Variants in CARD9 observed in about 807,000 individuals in gnomAD.
CARD9 encodes caspase recruitment domain-containing protein 9.
In CARD9, 53 loss-of-function variants were observed where a neutral mutation model predicts 66.0. That is an observed-to-expected ratio of 0.80 (90% CI 0.64 to 1.01). CARD9 has a LOEUF of 1.01. Ranked by LOEUF, CARD9 falls within the 50% of genes least tolerant of loss-of-function variation. The pLI is 0.00. For missense variants in CARD9, 769 were observed against 743.2 expected, an observed-to-expected ratio of 1.03 and a Z score of -0.40; for synonymous variants, 387 against 313.8, an observed-to-expected ratio of 1.23 and a Z score of -2.47.
chr9:136,365,620 C>T (rs1258255309), intron 10 of CARD9: 4 of 232,468 alleles, frequency 1.7e-5, no homozygotes, highest in African/African-American at 9.1e-5. Flanking sequence ...CAGTGGCTGT[C>T]TGGGTCCTCC....
chr9:136,364,844 C>T (rs1453029315), intron 11 of CARD9: 8 of 596,100 alleles, frequency 1.3e-5, no homozygotes, highest in Non-Finnish European at 2.1e-5. Flanking sequence ...CGAGGTGGTG[C>T]TTGCTCTCAG....
intron 3 of CARD9, 58 bp downstream of exon 3, chr9:136,371,266 C>A: frequency 6.3e-7 from 1 of 1,574,872 alleles, no homozygotes; most frequent in South Asian, 1.2e-5. Context: ...GGACCCAACA[C>A]CACTGCCCGC....
chr9:136,370,958 G>T lies in CARD9; in HGVS notation c.510C>A (p.Ala170=). 6.2e-7 allele frequency: 1 copy of T among 1,610,868 alleles called. No homozygotes were observed. Among genetic ancestry groups the T allele is most frequent in the Non-Finnish European group, 8.5e-7 (1 of 1,179,180 alleles). ...RVQRLKEECE[A]GSRELKRCKE... ...TGCAGCGCTTGAGCTCGCGGCTGCC[G>T]GCCTCGCACTCCTCCTTGAGCCTCT... is the stretch of plus-strand genomic sequence containing the variant. Residue 170 remains alanine (A), a synonymous_variant, in exon 4 of 13, where the codon GCC becomes GCA. Coordinates refer to ENST00000371732, the MANE Select transcript of CARD9 (RefSeq NM_052813.5).
chr9:136,370,204 C>G (rs1335755751), intron 6 of CARD9, 90 bp downstream of exon 6: 8 of 1,537,988 alleles, frequency 5.2e-6, no homozygotes, highest in African/African-American at 1.4e-5. Context: ...GGTCTCCACA[C>G]CCCACCTTCC....
At chr9:136,366,889 G>A (rs769945321) in intron 9 of CARD9, 44 bp from the exon 10 acceptor site, 19 of 1,609,152 alleles carry the variant, frequency 1.2e-5, no homozygotes, top group Non-Finnish European at 1.4e-5. Flanking sequence ...ACTTCGCCAA[G>A]GACTGGACCC....
intron 10 of CARD9, chr9:136,365,524 A>C: frequency 4.0e-6 from 2 of 498,150 alleles, no homozygotes; most frequent in Non-Finnish European, 7.3e-6. Context: ...GGGGAACTTA[A>C]ACCCTGGGCC....
chr9:136,371,742 G>T (rs544278137), intron 2 of CARD9, among the ~76,000 whole-genome samples, 153 bp downstream of exon 2: 1 of 152,354 alleles, frequency 6.6e-6, no homozygotes, highest in East Asian at 1.9e-4. Context: ...CGGGCCACGT[G>T]CCAGGGTTGA....
At chr9:136,366,375 C>T in intron 10 of CARD9, 1 of 220,926 alleles carries the variant, frequency 4.5e-6, no homozygotes, top group Non-Finnish European at 9.2e-6. Flanking sequence ...GCCCCATCTT[C>T]TAGCTTCATG....
In CARD9 at chr9:136,370,295, C is replaced by G; in HGVS notation, c.950G>C (p.Arg317Pro). Residue 317 changes from arginine to proline, a missense_variant and splice_region_variant, in exon 6 of 13, where the codon CGG becomes CCG. Arg to Pro is a moderately radical substitution (Grantham distance 103). Coordinates refer to ENST00000371732, the MANE Select transcript of CARD9 (RefSeq NM_052813.5). ...DLRQGEARRL[R>P]CMEEKEMFEL... is the part of the protein sequence containing the mutation. ...ATGTCTCCCCGCCTGCCCTCCTACCCGGAGGCGTCGGGCCTCGCCCTGGCG... is the reference window on the plus strand; with the variant it reads ...ATGTCTCCCCGCCTGCCCTCCTACCGGGAGGCGTCGGGCCTCGCCCTGGCG... 6.2e-7 allele frequency: 1 copy of G among 1,601,856 alleles called. No individual in the cohort carries two copies. Among genetic ancestry groups the G allele is most frequent in the Non-Finnish European group, 8.5e-7 (1 of 1,178,594 alleles).
chr9:136,367,069 G>T, intron 9 of CARD9, 147 bp downstream of exon 9: 1 of 1,065,854 alleles, frequency 9.4e-7, no homozygotes, highest in Non-Finnish European at 1.4e-6. Flanking sequence ...AGAGGCCTTA[G>T]CATTTGGCCA....
In CARD9 at chr9:136,370,440, G is replaced by A; in HGVS notation, c.808-3C>T. 1.9e-6 allele frequency: 3 copies of A among 1,610,476 alleles called. No homozygotes were observed. The highest frequency in any genetic ancestry group is 2.5e-6 in the Non-Finnish European group (3 of 1,179,176). On this transcript the variant is annotated splice_polypyrimidine_tract_variant and splice_region_variant and intron_variant, in intron 5 of 12. Transcript: ENST00000371732. ...CTGCTCCTGTCCAGCTTCCCCTCCT[G>A]AAGGGGGCAAAAGGCAATGGCCTGG...
intron 6 of CARD9, 105 bp downstream of exon 6, chr9:136,370,189 A>C: frequency 6.6e-7 from 1 of 1,515,608 alleles, no homozygotes; most frequent in African/African-American, 1.4e-5. Flanking sequence ...GAGGCGCTGC[A>C]CTGGGGTCTC....
chr9:136,365,446 G>A (rs941340381), intron 10 of CARD9: 35 of 576,938 alleles, frequency 6.1e-5, no homozygotes, highest in Non-Finnish European at 9.0e-5. Flanking sequence ...CAGGCCCAAC[G>A]CTCCCGCCAG....
chr9:136,368,042 C>G, intron 7 of CARD9: 1 of 1,413,586 alleles, frequency 7.1e-7, no homozygotes, highest in Non-Finnish European at 9.2e-7. Flanking sequence ...GCCCTTCTGT[C>G]TCCTCCCAAG....
rs1162825835 is a variant in CARD9, at chr9:136,370,271, T to C, written c.951+23A>G. On this transcript the variant is annotated intron_variant, in intron 6 of 12. Coordinates refer to ENST00000371732, the MANE Select transcript of CARD9 (RefSeq NM_052813.5). The stretch of plus-strand genomic sequence containing the variant: ...AGCCTGGCTTGGACCCCAGGGGCCA[T>C]GTCTCCCCGCCTGCCCTCCTACCCG... 6 of 1,593,126 alleles carry C rather than the reference T, an allele frequency of 3.8e-6. No homozygotes were observed. In the East Asian group the frequency reaches 9.0e-5, roughly 24 times the overall value.
At position 136,367,623 on chromosome 9, in the gene CARD9, G is replaced by A; in HGVS notation, c.1269+14C>T. 1.3e-6 allele frequency: 2 copies of A among 1,566,352 alleles called. No homozygotes were observed. The highest frequency in any genetic ancestry group is 1.7e-6 in the Non-Finnish European group (2 of 1,161,530). On this transcript the variant is annotated intron_variant, in intron 8 of 12. Transcript: ENST00000371732. ...CGCGCCGGCTCCCCTCCCTGCCGCA[G>A]GCCCCAGGCCCACCAGGACGAGCGT...
At chr9:136,372,693 C>T (rs942015567) in intron 1 of CARD9, among the ~76,000 whole-genome samples, 2 of 152,224 alleles carry the variant, frequency 1.3e-5, no homozygotes, top group East Asian at 1.9e-4. Flanking sequence ...CCCTCCTCCA[C>T]GGCCGGCTGC....
At position 136,370,843 on chromosome 9, in the gene CARD9, C is replaced by G. The variant is rs761400518; in HGVS notation, c.625G>C (p.Glu209Gln). The change falls in exon 4 of 13, where the codon GAG becomes CAG. Residue 209 changes from glutamate to glutamine, a missense_variant and splice_region_variant. Coordinates refer to ENST00000371732, the MANE Select transcript of CARD9 (RefSeq NM_052813.5). ...TTTCCCGGGGGCAGCGGGCGCACCTCCAGCTGCAGGTCACGGTTCCGCATG... is the reference window on the plus strand; with the variant it reads ...TTTCCCGGGGGCAGCGGGCGCACCTGCAGCTGCAGGTCACGGTTCCGCATG... ...ALMRNRDLQLEIDQLKHSLMK... is the reference protein window; with the variant it reads ...ALMRNRDLQLQIDQLKHSLMK... 2.4e-5 allele frequency: 38 copies of G among 1,595,240 alleles called. No homozygotes were observed. Among genetic ancestry groups the G allele is most frequent in the Non-Finnish European group, 3.0e-5 (35 of 1,168,728 alleles).
intron 8 of CARD9, 94 bp from the exon 9 acceptor site, chr9:136,367,351 G>T (rs1588721559): frequency 7.1e-7 from 1 of 1,407,888 alleles, no homozygotes; most frequent in Non-Finnish European, 9.9e-7. Flanking sequence ...CCTCCAGGGA[G>T]CCCTGGGCAT....
Sources: allele counts gnomAD v4.1 joint callset (sites outside exome capture counted in the v4.1 genomes callset), GRCh38; gene constraint gnomAD v4.1.1; transcripts MANE v1.5; gene names NCBI Gene and HGNC (gene_info 2026-07-23, HGNC 2026-07-21).